Variants in CDH13 observed in about 807,000 individuals in gnomAD.
The protein encoded by CDH13 is cadherin 13, also known as cadherin-13.
A neutral mutation model predicts 63.8 loss-of-function variants in CDH13; 24 were observed. That is an observed-to-expected ratio of 0.38 (90% confidence interval 0.27 to 0.53). The LOEUF (loss-of-function observed/expected upper bound fraction) is 0.53, where lower values mean the gene tolerates loss of function less well. Among genes scored for constraint, CDH13 ranks in the 20% least tolerant of loss-of-function variants. The probability of loss-of-function intolerance (pLI) is 0.85; values close to 1 mark genes in which losing one functional copy is unlikely to be tolerated. For missense variants in CDH13, 1,049 were observed against 903.1 expected (o/e 1.16, Z -2.07); for synonymous variants, 503 against 355.3 (o/e 1.42, Z -4.67).
At chr16:83,111,245 T>C (rs7196583) in intron 3 of CDH13, among the ~76,000 whole-genome samples, 87,342 of 151,052 alleles carry the variant, frequency 0.58, 25,623 homozygotes, top group Middle Eastern at 0.69. Flanking sequence ...TTGGGAGGAG[T>C]AGAGTAAAAA....
intron 2 of CDH13, among the ~76,000 whole-genome samples, chr16:82,910,814 A>G (rs1196383238): frequency 6.6e-6 from 1 of 152,188 alleles, no homozygotes; most frequent in Non-Finnish European, 1.5e-5. Context: ...CCAAAGCCAT[A>G]TTGTCCCTTT....
rs1268520120 is a variant in CDH13 at position 82,871,434 on chromosome 16, C to T, written c.157+12961C>T. ...GAGATAGGAGTGTTATTGGGGAGCA[C>T]TTGAACATGAAATAAGTGAAAGGAG... is the stretch of plus-strand genomic sequence containing the variant. On this transcript the variant is annotated intron_variant, in intron 2 of 13. Coordinates refer to ENST00000567109, the MANE Select transcript of CDH13 (RefSeq NM_001257.5). Among the ~76,000 whole-genome samples the T allele has an allele frequency of 2.6e-5, 4 of 152,024 alleles. No individual in the cohort carries two copies. In the East Asian group the frequency reaches 7.7e-4, roughly 29 times the overall value.
intron 7 of CDH13, among the ~76,000 whole-genome samples, chr16:83,548,680 A>G (rs1045103723): frequency 2.0e-5 from 3 of 152,068 alleles, no homozygotes; most frequent in African/African-American, 4.8e-5. Context: ...AAGTGAGGAG[A>G]TGGCTTGTTT....
At chr16:83,719,953 C>G (rs909620899) in intron 10 of CDH13, among the ~76,000 whole-genome samples, 1 of 152,206 alleles carries the variant, frequency 6.6e-6, no homozygotes, top group African/African-American at 2.4e-5. Flanking sequence ...CTACATCTCC[C>G]TGCACACACT....
chr16:83,264,896 T>A (rs1907425023), intron 5 of CDH13, among the ~76,000 whole-genome samples: 1 of 152,218 alleles, frequency 6.6e-6, no homozygotes, highest in Admixed American at 6.5e-5. Flanking sequence ...TATTATCCCT[T>A]TATATTCTAG....
intron 10 of CDH13, among the ~76,000 whole-genome samples, chr16:83,685,395 A>G (rs565212424): frequency 6.6e-6 from 1 of 152,356 alleles, no homozygotes; most frequent in South Asian, 2.1e-4. Context: ...ATCCCATGAT[A>G]CTAGATATTT....
intron 5 of CDH13, among the ~76,000 whole-genome samples, chr16:83,313,053 C>T (rs1055088759): frequency 7.2e-5 from 11 of 152,212 alleles, no homozygotes; most frequent in African/African-American, 2.7e-4. Context: ...TCAGCTGAAT[C>T]TGCTGTAGAA....
chr16:82,648,221 C>T (rs750081385), intron 1 of CDH13, among the ~76,000 whole-genome samples: 1 of 152,144 alleles, frequency 6.6e-6, no homozygotes, highest in Non-Finnish European at 1.5e-5. Flanking sequence ...AATAGTCATG[C>T]ACTTTGGGGA....
chr16:82,709,356 T>C (rs550687328), intron 1 of CDH13, among the ~76,000 whole-genome samples: 1 of 152,344 alleles, frequency 6.6e-6, no homozygotes, highest in Admixed American at 6.5e-5. Flanking sequence ...AGAAATTCTT[T>C]AAAATAGACC....
At chr16:82,955,161 C>G (rs1905882393) in intron 2 of CDH13, among the ~76,000 whole-genome samples, 1 of 152,142 alleles carries the variant, frequency 6.6e-6, no homozygotes, top group Non-Finnish European at 1.5e-5. Context: ...ATCGGCAACT[C>G]TATTTTTAAC....
chr16:83,547,932 C>G (rs35339808), intron 7 of CDH13, among the ~76,000 whole-genome samples: 49,220 of 152,032 alleles, frequency 0.32, 9,122 homozygotes, highest in East Asian at 0.43. Flanking sequence ...GACAGCAGAC[C>G]AGGCAGACCA....
At chr16:83,041,651 C>T (rs996305426) in intron 3 of CDH13, among the ~76,000 whole-genome samples, 2 of 152,134 alleles carry the variant, frequency 1.3e-5, no homozygotes, top group African/African-American at 4.8e-5. Flanking sequence ...TACACACATA[C>T]ATTCATGGGG....
chr16:83,164,523 C>G (rs1350013257), intron 4 of CDH13, among the ~76,000 whole-genome samples: 1 of 152,130 alleles, frequency 6.6e-6, no homozygotes, highest in East Asian at 1.9e-4. Flanking sequence ...GGGTTCAAAA[C>G]CAGCCTGGCC....
At chr16:83,019,152 C>T (rs920278041) in intron 2 of CDH13, among the ~76,000 whole-genome samples, 1 of 152,320 alleles carries the variant, frequency 6.6e-6, no homozygotes, top group South Asian at 2.1e-4. Flanking sequence ...CTTTTTGGCT[C>T]TTGTGGTAAC....
chr16:83,338,058 G>A (rs150365256), intron 5 of CDH13, among the ~76,000 whole-genome samples: 211 of 152,130 alleles, frequency 1.4e-3, no homozygotes, highest in Admixed American at 2.5e-3. Context: ...TTGACACCAT[G>A]GACCAGGTCC....
intron 5 of CDH13, among the ~76,000 whole-genome samples, chr16:83,309,704 T>G (rs1030110095): frequency 2.0e-5 from 3 of 152,330 alleles, no homozygotes; most frequent in Admixed American, 2.0e-4. Context: ...AATGTCCTGT[T>G]GCAATCCTTA....
In CDH13 at chr16:82,644,714, G is replaced by A. The variant is rs967655533; in HGVS notation, c.45+17577G>A. Among the ~76,000 whole-genome samples the A allele has an allele frequency of 6.6e-6, 1 of 152,190 alleles. No homozygotes were observed. Among genetic ancestry groups the A allele is most frequent in the African/African-American group, 2.4e-5 (1 of 41,450 alleles). ...TGGGACCCAGGCTCCCAGGTAGCCA[G>A]CTCCCAGGTGACAGGAGTCCGCTGG... On this transcript the variant is annotated intron_variant, in intron 1 of 13. Transcript: ENST00000567109. This position sits in a 1 kb window ranked among gnomAD's most constrained non-coding sequence, Gnocchi z 5.7.
At chr16:82,745,151 G>C (rs576540088) in intron 1 of CDH13, among the ~76,000 whole-genome samples, 2 of 152,242 alleles carry the variant, frequency 1.3e-5, no homozygotes, top group South Asian at 4.2e-4. Context: ...GGAAACAAAA[G>C]AATACTGTTG....
rs558852638 is a variant in CDH13 at position 83,093,789 on chromosome 16, A to G, written c.367-31596A>G. Among the ~76,000 whole-genome samples, 183 of 152,324 alleles carry G rather than the reference A, an allele frequency of 1.2e-3. 1 individual carries two copies. Among genetic ancestry groups the G allele is most frequent in the South Asian group, 1.0e-2 (48 of 4,824 alleles). ...GGAATTCTTCCCTCAAAGAGTTCTC[A>G]GTCGGAAAGCATGTATAAGACAAGA... On this transcript the variant is annotated intron_variant, in intron 3 of 13. Transcript: ENST00000567109.
Sources: gnomAD v4.1 joint callset for allele counts (sites outside exome capture counted in the v4.1 genomes callset) on GRCh38, gnomAD v4.1.1 for gene constraint, Gnocchi (gnomAD v3.1) non-coding constraint, MANE v1.5 for transcripts, NCBI Gene and HGNC (gene_info 2026-07-23, HGNC 2026-07-21) for gene names.